Variants in PRDM11 observed in about 807,000 individuals in gnomAD.
PRDM11 encodes the protein PR/SET domain 11, also known as PR domain-containing protein 11.
In PRDM11, 20 loss-of-function variants were observed where a neutral mutation model predicts 97.8. That is an observed-to-expected ratio of 0.20 (90% CI 0.14 to 0.30). The LOEUF (loss-of-function observed/expected upper bound fraction) is 0.30. PRDM11 is among the 10% of genes least tolerant of loss of function. PRDM11 has a pLI of 1.00. For missense variants in PRDM11, 1,139 were observed against 1,555.2 expected (o/e 0.73, Z 4.50); for synonymous variants, 599 against 637.7 (o/e 0.94, Z 0.91).
intron 2 of PRDM11, 53 bp downstream of exon 2, chr11:45,181,938 T>A: frequency 6.6e-7 from 1 of 1,520,168 alleles, no homozygotes; most frequent in East Asian, 2.3e-5. Flanking sequence ...GGGAGGTGCC[T>A]GGGCTCGGTT....
upstream of PRDM11, among the ~76,000 whole-genome samples, chr11:45,094,741 AGGGAAGG>A (rs1232822584): frequency 6.3e-4 from 1 of 1,578 alleles, no homozygotes; most frequent in Non-Finnish European, 1.4e-3. Flanking sequence ...GGAGGGAAGG[AGGGAAGG>A]AATGAAGAAA....
chr11:45,208,923 G>A (rs1055399771), intron 5 of PRDM11: 3 of 456,276 alleles, frequency 6.6e-6, no homozygotes, highest in Admixed American at 4.7e-5. Flanking sequence ...GTTCTCCAAG[G>A]AGGAGCTGGA....
chr11:45,178,534 T>G (rs569439234), intron 1 of PRDM11, among the ~76,000 whole-genome samples: 11 of 152,324 alleles, frequency 7.2e-5, no homozygotes, highest in African/African-American at 2.6e-4. Context: ...GAGAGCTCCA[T>G]AGGGAATCAA....
At chr11:45,154,820 G>A (rs1482183529) in intron 1 of PRDM11, among the ~76,000 whole-genome samples, 1 of 152,208 alleles carries the variant, frequency 6.6e-6, no homozygotes, top group Non-Finnish European at 1.5e-5. Context: ...GAGGGGAAGT[G>A]ACTTAGAGCT....
rs577803963 is a variant in PRDM11, at chr11:45,161,555, G to A, written c.-7+14678G>A. 4.6e-5 allele frequency among the ~76,000 whole-genome samples: 7 copies of A among 152,346 alleles called. No homozygotes were observed. The East Asian group carries it at 1.2e-3, about 25-fold the overall frequency. ...GGTTTCCCGGCTGTCAATGAGGTTCGTTGTGGCTGCGGATTTGATCTCCCT... is the reference window on the plus strand; with the variant it reads ...GGTTTCCCGGCTGTCAATGAGGTTCATTGTGGCTGCGGATTTGATCTCCCT... On this transcript the variant is annotated intron_variant, in intron 1 of 7. Coordinates refer to ENST00000683152, the MANE Select transcript of PRDM11 (RefSeq NM_001384648.1).
chr11:45,177,129 TC>T (rs1213500016), intron 1 of PRDM11, among the ~76,000 whole-genome samples: 2 of 152,194 alleles, frequency 1.3e-5, no homozygotes, highest in Non-Finnish European at 2.9e-5. Context: ...TGGGCACAGA[TC>T]CCCAGTTCCC....
upstream of PRDM11, among the ~76,000 whole-genome samples, chr11:45,144,925 C>G (rs373611293): frequency 6.6e-6 from 1 of 152,222 alleles, no homozygotes; most frequent in Non-Finnish European, 1.5e-5. Flanking sequence ...GTGCCTTCAT[C>G]TCTTGGGCAG....
At chr11:45,171,010 A>C (rs1253132708) in intron 1 of PRDM11, among the ~76,000 whole-genome samples, 4 of 152,214 alleles carry the variant, frequency 2.6e-5, no homozygotes, top group Non-Finnish European at 4.4e-5. Context: ...CAGTGCTGCA[A>C]GGAATACTGT....
chr11:45,138,651 G>A (rs1852928751), intron 1 of PRDM11, among the ~76,000 whole-genome samples: 1 of 152,052 alleles, frequency 6.6e-6, no homozygotes. Flanking sequence ...TTGGTGTTGG[G>A]GCAACTCTCC....
intron 5 of PRDM11, among the ~76,000 whole-genome samples, chr11:45,218,257 G>T (rs1289968977): frequency 2.0e-5 from 3 of 152,078 alleles, no homozygotes; most frequent in African/African-American, 2.4e-5. Context: ...TGTTTCTTGA[G>T]CCATATTGCC....
chr11:45,110,383 G>A (rs1852147866), intron 1 of PRDM11, among the ~76,000 whole-genome samples: 2 of 152,126 alleles, frequency 1.3e-5, no homozygotes, highest in Admixed American at 1.3e-4. Context: ...AAAGGGGGGT[G>A]GGGATGAGAG....
At chr11:45,213,524 G>T (rs961114375) in intron 5 of PRDM11, 1 of 456,342 alleles carries the variant, frequency 2.2e-6, no homozygotes, top group Non-Finnish European at 4.4e-6. Flanking sequence ...TTGCCCGGGG[G>T]TGGTGCCCGC....
intron 1 of PRDM11, among the ~76,000 whole-genome samples, chr11:45,177,289 C>T (rs573411268): frequency 1.6e-4 from 25 of 152,368 alleles, no homozygotes; most frequent in African/African-American, 6.0e-4. Context: ...TCTGCATGTG[C>T]AGACTTAGAG....
chr11:45,096,190 G>GGAGAGA (rs757873299), intron 1 of PRDM11, among the ~76,000 whole-genome samples: 5 of 152,164 alleles, frequency 3.3e-5, no homozygotes, highest in Non-Finnish European at 1.5e-5. Flanking sequence ...CATGAGAGCA[G>GGAGAGA]GCACCTGCCA....
chr11:45,233,231 G>A lies in PRDM11; in HGVS notation c.*5072G>A, dbSNP rs1854433693. The A allele has an allele frequency of 6.6e-6, 1 of 152,346 alleles. No individual in the cohort carries two copies. The highest frequency in any genetic ancestry group is 1.5e-5 in the Non-Finnish European group (1 of 68,132). 9.4% of individuals were successfully genotyped at this position (152,346 alleles called of 1,614,324 possible). A position where few individuals can be genotyped will look rare whatever the true frequency, so the allele number is the denominator to read the frequency against. On this transcript the variant is annotated 3_prime_UTR_variant, in exon 8 of 8. Coordinates refer to ENST00000683152, the MANE Select transcript of PRDM11 (RefSeq NM_001384648.1). ...AAAGGGGAAGGGAGCACGGCCTTCGGAGAGGGAGCCGGGGAAGGCCAGCAG... is the reference window on the plus strand; with the variant it reads ...AAAGGGGAAGGGAGCACGGCCTTCGAAGAGGGAGCCGGGGAAGGCCAGCAG...
intron 1 of PRDM11, among the ~76,000 whole-genome samples, chr11:45,126,961 C>A (rs142085837): frequency 0.011 from 1,743 of 152,342 alleles, 25 homozygotes; most frequent in African/African-American, 0.04. Context: ...CTCCCTGTCA[C>A]TTTCAGGTAC....
chr11:45,183,183 C>T, intron 4 of PRDM11, 60 bp downstream of exon 4: 1 of 1,547,012 alleles, frequency 6.5e-7, no homozygotes, highest in Non-Finnish European at 8.7e-7. Context: ...AGGAAACCAC[C>T]AGGGGGAGCC....
chr11:45,143,067 C>T (rs1019167170), upstream of PRDM11, among the ~76,000 whole-genome samples: 6 of 152,180 alleles, frequency 3.9e-5, no homozygotes, highest in African/African-American at 1.2e-4. Flanking sequence ...TGATCAGTTA[C>T]GGAGCTCTTC....
At chr11:45,183,543 C>G (rs1852595255) in intron 4 of PRDM11, among the ~76,000 whole-genome samples, 1 of 152,150 alleles carries the variant, frequency 6.6e-6, no homozygotes. Context: ...GGGGGTAAAC[C>G]CTTCAACAAG....
Sources: gnomAD v4.1 joint callset for allele counts (sites outside exome capture counted in the v4.1 genomes callset) on GRCh38, gnomAD v4.1.1 for gene constraint, MANE v1.5 for transcripts, NCBI Gene and HGNC (gene_info 2026-07-23, HGNC 2026-07-21) for gene names.